The following PIK3R3 variants were observed in gnomAD, a reference collection of about 807,000 sequenced individuals.
PIK3R3 encodes the protein phosphoinositide-3-kinase regulatory subunit 3.
A neutral mutation model predicts 62.9 loss-of-function variants in PIK3R3; 64 were observed. The ratio of observed to expected loss-of-function variants is 1.02; its 90% confidence interval spans 0.83 to 1.25. The LOEUF is 1.25. Among genes scored for constraint, PIK3R3 ranks in the 50% most tolerant of loss-of-function variants. The pLI is 0.00. For synonymous variants in PIK3R3, 165 were observed against 189.0 expected, an observed-to-expected ratio of 0.87 and a Z score of 1.04; for missense variants, 614 against 561.6, an observed-to-expected ratio of 1.09 and a Z score of -0.94.
the PIK3R3 span, among the ~76,000 whole-genome samples, chr1:46,166,522 C>CA: frequency 6.6e-6 from 1 of 152,260 alleles, no homozygotes; most frequent in African/African-American, 2.4e-5. Context: ...CTGGCCAGGT[C>CA]ATACAAGCTT....
the PIK3R3 span, among the ~76,000 whole-genome samples, chr1:46,169,334 G>A: frequency 6.6e-6 from 1 of 151,996 alleles, no homozygotes; most frequent in Non-Finnish European, 1.5e-5. Context: ...GGTGGTTGTG[G>A]GCGTAAGATT....
In PIK3R3 at chr1:46,106,806, A is replaced by G. The variant is rs541203635; in HGVS notation, c.106+25041T>C. Among the ~76,000 whole-genome samples the G allele has an allele frequency of 2.2e-4, 33 of 151,200 alleles. No homozygotes were observed. The South Asian group carries it at 6.5e-3, about 30-fold the overall frequency. ...TTTTTTCTTTTTTTGACAGAGTTTC[A>G]CTCTTGTTGCCCAGGATGGAGTGCA... On this transcript the variant is annotated intron_variant, in intron 1 of 9. Coordinates refer to ENST00000262741, the MANE Select transcript of PIK3R3 (RefSeq NM_003629.4).
At chr1:46,155,114 G>GTTTC in the PIK3R3 span, among the ~76,000 whole-genome samples, 1 of 152,136 alleles carries the variant, frequency 6.6e-6, no homozygotes, top group East Asian at 1.9e-4. Flanking sequence ...GAACCCAGGA[G>GTTTC]TTGAAGACCA....
chr1:46,063,271 A>T (rs1380973597), intron 5 of PIK3R3, among the ~76,000 whole-genome samples: 1 of 152,250 alleles, frequency 6.6e-6, no homozygotes, highest in Non-Finnish European at 1.5e-5. Flanking sequence ...TAAAATAACA[A>T]GGCATGTTCA....
intron 7 of PIK3R3, among the ~76,000 whole-genome samples, chr1:46,051,121 G>C (rs561792151): frequency 6.6e-6 from 1 of 152,218 alleles, no homozygotes; most frequent in African/African-American, 2.4e-5. Context: ...AATATGTGGT[G>C]ATGACAAAAT....
intron 2 of PIK3R3, among the ~76,000 whole-genome samples, chr1:46,078,724 A>G (rs1650303962): frequency 6.6e-6 from 1 of 152,182 alleles, no homozygotes; most frequent in African/African-American, 2.4e-5. Flanking sequence ...ACAGCCATAA[A>G]TTAGAAACAA....
chr1:46,119,270 A>G (rs931985269), intron 1 of PIK3R3, among the ~76,000 whole-genome samples: 1 of 152,234 alleles, frequency 6.6e-6, no homozygotes. Flanking sequence ...ATATTTGTTG[A>G]AAAACATGAA....
the PIK3R3 span, among the ~76,000 whole-genome samples, chr1:46,173,630 G>T: frequency 7.9e-5 from 12 of 152,214 alleles, no homozygotes; most frequent in Non-Finnish European, 1.8e-4. Flanking sequence ...AACTGAGGTG[G>T]TGGGTGCCCT....
chr1:46,067,952 C>T (rs1649153754), intron 3 of PIK3R3, among the ~76,000 whole-genome samples: 2 of 152,206 alleles, frequency 1.3e-5, no homozygotes, highest in African/African-American at 2.4e-5. Flanking sequence ...CAGGTTGATT[C>T]ATAGCAAAAT....
At chr1:46,127,356 A>ATATAT (rs10647944) in intron 1 of PIK3R3, among the ~76,000 whole-genome samples, 25 of 133,980 alleles carry the variant, frequency 1.9e-4, no homozygotes, top group African/African-American at 5.3e-4. Context: ...AAAAAAAAAA[A>ATATAT]ATATATATAT....
upstream of PIK3R3, among the ~76,000 whole-genome samples, chr1:46,137,730 A>G (rs1218514753): frequency 6.6e-6 from 1 of 152,144 alleles, no homozygotes; most frequent in Non-Finnish European, 1.5e-5. Flanking sequence ...GTGGTTCCTC[A>G]TGGTCCTTTA....
chr1:46,053,104 T>A (rs1289922022), intron 7 of PIK3R3, among the ~76,000 whole-genome samples: 4 of 152,200 alleles, frequency 2.6e-5, no homozygotes, highest in Non-Finnish European at 5.9e-5. Context: ...GCATGGACCA[T>A]GGGACACTGA....
rs1647027036 is a variant in PIK3R3 at position 46,043,221 on chromosome 1, GC to G, written c.*451del. 4.3e-6 allele frequency: 1 copy of G among 233,284 alleles called. No individual in the cohort carries two copies. The highest frequency in any genetic ancestry group is 5.6e-5 in the Admixed American group (1 of 17,888). The allele number at this position is 233,284 out of a possible 1,614,324, so 14.5% of individuals were successfully genotyped here. A position where few individuals can be genotyped will look rare whatever the true frequency, so the allele number is the denominator to read the frequency against. ...CCCATTCTATCACAAAACCTAAACA[GC>G]CTTCTTCGTGGGGGGAAGAGAGACT... On this transcript the variant is annotated 3_prime_UTR_variant, in exon 10 of 10. Coordinates refer to ENST00000262741, the MANE Select transcript of PIK3R3 (RefSeq NM_003629.4).
chr1:46,153,880 A>G, the PIK3R3 span, among the ~76,000 whole-genome samples: 3,185 of 152,342 alleles, frequency 0.021, 108 homozygotes, highest in African/African-American at 0.07. Flanking sequence ...ACAAAGTACC[A>G]TGAGGCAATA....
chr1:46,049,646 A>G (rs1432395428), intron 7 of PIK3R3, among the ~76,000 whole-genome samples: 1 of 152,220 alleles, frequency 6.6e-6, no homozygotes, highest in Non-Finnish European at 1.5e-5. Context: ...CAATGACAGC[A>G]GTCAAGAGGG....
At chr1:46,121,347 T>C (rs927813342) in intron 1 of PIK3R3, among the ~76,000 whole-genome samples, 4 of 152,162 alleles carry the variant, frequency 2.6e-5, no homozygotes, top group Non-Finnish European at 5.9e-5. Flanking sequence ...GGTCACTCTA[T>C]CCTCTATGGA....
intron 1 of PIK3R3, among the ~76,000 whole-genome samples, chr1:46,086,878 C>A (rs1651106566): frequency 6.6e-6 from 1 of 152,158 alleles, no homozygotes; most frequent in Non-Finnish European, 1.5e-5. Flanking sequence ...AGCAACCAGG[C>A]AACTACCCAT....
At chr1:46,108,778 A>G (rs1653442597) in intron 1 of PIK3R3, among the ~76,000 whole-genome samples, 1 of 152,180 alleles carries the variant, frequency 6.6e-6, no homozygotes, top group Admixed American at 6.5e-5. Flanking sequence ...TTCCTGTTCC[A>G]TCAAATCACA....
chr1:46,065,789 C>G (rs1191600224), intron 5 of PIK3R3, among the ~76,000 whole-genome samples: 1 of 152,178 alleles, frequency 6.6e-6, no homozygotes, highest in African/African-American at 2.4e-5. Context: ...CCCTGTAGTG[C>G]CTATATACAC....
Sources: gnomAD v4.1 joint callset for allele counts (sites outside exome capture counted in the v4.1 genomes callset) on GRCh38, gnomAD v4.1.1 for gene constraint, MANE v1.5 for transcripts, NCBI Gene and HGNC (gene_info 2026-07-23, HGNC 2026-07-21) for gene names.